EFCAB10: variants seen among roughly 807,000 people sequenced by gnomAD.
EFCAB10 encodes the protein EF-hand calcium-binding domain-containing protein 10.
In EFCAB10, 7 loss-of-function variants were observed where a neutral mutation model predicts 7.7. That is an observed-to-expected ratio of 0.91 (90% CI 0.52 to 1.72). The LOEUF (loss-of-function observed/expected upper bound fraction) is 1.72, where lower values mean the gene tolerates loss of function less well. Among genes scored for constraint, EFCAB10 ranks in the 40% most tolerant of loss-of-function variants. EFCAB10 has a pLI of 0.00. For missense variants in EFCAB10, 112 were observed against 61.5 expected, an observed-to-expected ratio of 1.82 and a Z score of -2.74; for synonymous variants, 52 against 21.0, an observed-to-expected ratio of 2.47 and a Z score of -4.03.
intron 1 of EFCAB10, among the ~76,000 whole-genome samples, chr7:105,570,237 A>AAAAAAAAAAT (rs1791905624): frequency 1.8e-5 from 1 of 56,988 alleles, no homozygotes; most frequent in Non-Finnish European, 3.4e-5. Context: ...AAAAAAAAAA[A>AAAAAAAAAAT]AAAATATATA....
At position 105,569,397 on chromosome 7, in the gene EFCAB10, A is replaced by C; in HGVS notation, c.271+10T>G. 1 of 697,732 alleles carries C rather than the reference A, an allele frequency of 1.4e-6. No homozygotes were observed. The highest frequency in any genetic ancestry group is 2.7e-5 in the East Asian group (1 of 37,230). The allele number at this position is 697,732 out of a possible 1,614,324, so 43.2% of individuals were successfully genotyped here. ...ACAAACTATTACCTCAATTTGTAGA[A>C]TGTACTGACCTTCTTTATACTGCAC... On this transcript the variant is annotated intron_variant, in intron 2 of 4. Transcript: ENST00000480514.
In EFCAB10 at chr7:105,581,354, T is replaced by C; in HGVS notation, c.106+4A>G. ...TGGCTGTACCGGGGCATGGGGGCCC[T>C]TACCCGGCCGAAAGAAAAGGAGGGC... On this transcript the variant is annotated splice_donor_region_variant and intron_variant, in intron 1 of 4. Coordinates refer to ENST00000480514, the MANE Select transcript of EFCAB10 (RefSeq NM_001355526.2). 1 of 702,858 alleles carries C rather than the reference T, an allele frequency of 1.4e-6. No individual in the cohort carries two copies. The highest frequency in any genetic ancestry group is 2.6e-6 in the Non-Finnish European group (1 of 384,928). The allele number at this position is 702,858 out of a possible 1,614,324, so 43.5% of individuals were successfully genotyped here.
At chr7:105,567,059 GTAATA>G (rs1307774300) in intron 4 of EFCAB10, 3 of 1,079,452 alleles carry the variant, frequency 2.8e-6, no homozygotes, top group Non-Finnish European at 3.9e-6. Flanking sequence ...TCTCAAAATT[GTAATA>G]TAATTGATGC....
intron 1 of EFCAB10, chr7:105,571,140 A>G (rs913144670): frequency 6.6e-6 from 1 of 152,232 alleles, no homozygotes; most frequent in African/African-American, 2.4e-5. Flanking sequence ...ATTTGTGGCC[A>G]ATTTCACTAC....
intron 1 of EFCAB10, among the ~76,000 whole-genome samples, chr7:105,570,058 A>ACT (rs1791896234): frequency 3.3e-5 from 5 of 150,638 alleles, no homozygotes; most frequent in African/African-American, 7.3e-5. Context: ...TCCCATCTCT[A>ACT]GTAAAGTTAG....
chr7:105,569,346 C>A (rs1222263175), intron 2 of EFCAB10, 56 bp from the exon 3 acceptor site: 1 of 694,086 alleles, frequency 1.4e-6, no homozygotes, highest in Non-Finnish European at 2.6e-6. Flanking sequence ...GAAGTATTTT[C>A]TGCTAGAAAA....
chr7:105,569,337 A>T, intron 2 of EFCAB10, 47 bp from the exon 3 acceptor site: 1 of 694,920 alleles, frequency 1.4e-6, no homozygotes, highest in Non-Finnish European at 2.6e-6. Context: ...ACAAAGTGAG[A>T]AGTATTTTCT....
chr7:105,567,354 A>G, intron 4 of EFCAB10, 113 bp downstream of exon 4: 1 of 1,359,092 alleles, frequency 7.4e-7, no homozygotes, highest in Non-Finnish European at 1.0e-6. Flanking sequence ...TTTCTAAGAA[A>G]GAGGAAGCCA....
In EFCAB10 at chr7:105,577,867, C is replaced by T. The variant is rs111654624; in HGVS notation, c.106+3491G>A. Among the ~76,000 whole-genome samples the T allele has an allele frequency of 5.3e-3, 805 of 152,228 alleles. 8 individuals are homozygous for T. The highest frequency in any genetic ancestry group is 0.019 in the African/African-American group (772 of 41,524). Reference sequence around the variant, plus strand: ...CCGAATAACTGATTACAAGCATGTGCCACTACACCTGATTTTGTATTTTTA... The same window carrying T: ...CCGAATAACTGATTACAAGCATGTGTCACTACACCTGATTTTGTATTTTTA... On this transcript the variant is annotated intron_variant, in intron 1 of 4. Coordinates refer to ENST00000480514, the MANE Select transcript of EFCAB10 (RefSeq NM_001355526.2).
chr7:105,569,536 G>T lies in EFCAB10; in HGVS notation c.142C>A (p.Arg48=). 1.4e-6 allele frequency: 1 copy of T among 701,502 alleles called. No homozygotes were observed. Among genetic ancestry groups the T allele is most frequent in the South Asian group, 1.5e-5 (1 of 67,092 alleles). The allele number at this position is 701,502 out of a possible 1,614,324, so 43.5% of individuals were successfully genotyped here. A position where few individuals can be genotyped will look rare whatever the true frequency, so the allele number is the denominator to read the frequency against. The change falls in exon 2 of 5, where the codon CGA becomes AGA. Residue 48 remains arginine, a synonymous_variant. Transcript: ENST00000480514. The stretch of plus-strand genomic sequence containing the variant: ...CCTGTTACTTTTGCAATTCTCAGTC[G>T]TTCCAATAGAGATATTAAATATTCT... ...PKEYLISLLE[R]LRIAKVTGVA...
At chr7:105,568,864 C>T (rs368960094) in intron 3 of EFCAB10, among the ~76,000 whole-genome samples, 2 of 151,306 alleles carry the variant, frequency 1.3e-5, no homozygotes, top group East Asian at 3.9e-4. Flanking sequence ...GCAGGAGAAT[C>T]GCTTGAACCC....
chr7:105,578,258 T>A (rs534999176), intron 1 of EFCAB10, among the ~76,000 whole-genome samples: 2 of 152,306 alleles, frequency 1.3e-5, no homozygotes, highest in East Asian at 3.9e-4. Flanking sequence ...AAAGAACGAC[T>A]AATGAAGACA....
At chr7:105,579,431 A>C (rs1353142044) in intron 1 of EFCAB10, among the ~76,000 whole-genome samples, 1 of 152,196 alleles carries the variant, frequency 6.6e-6, no homozygotes. Context: ...GTACTGTGGC[A>C]AAAGAGGGTA....
At chr7:105,567,201 C>T in intron 4 of EFCAB10, 2 of 1,612,878 alleles carry the variant, frequency 1.2e-6, no homozygotes, top group South Asian at 2.2e-5. Flanking sequence ...AGCTTCAGGG[C>T]AGCTTCCTGC....
intron 1 of EFCAB10, 68 bp downstream of exon 1, chr7:105,581,289 AG>A (rs994552821): frequency 2.3e-5 from 16 of 687,446 alleles, no homozygotes; most frequent in Non-Finnish European, 4.0e-5. Context: ...AATGTGTAAG[AG>A]GGGGGTTTCG....
intron 1 of EFCAB10, 62 bp downstream of exon 1, chr7:105,581,296 T>G (rs1586296831): frequency 7.4e-6 from 5 of 677,110 alleles, no homozygotes; most frequent in East Asian, 2.7e-5. Context: ...AAGAGGGGGG[T>G]TTCGTGTGGG....
At chr7:105,565,687 A>G (rs771714444) in intron 4 of EFCAB10, 2 of 1,344,946 alleles carry the variant, frequency 1.5e-6, no homozygotes, top group Admixed American at 1.8e-5. Flanking sequence ...AATGTATCAA[A>G]TTGTTACAGG....
chr7:105,579,448 A>C (rs894766574), intron 1 of EFCAB10, among the ~76,000 whole-genome samples: 1 of 152,194 alleles, frequency 6.6e-6, no homozygotes, highest in African/African-American at 2.4e-5. Context: ...GGTATGGATG[A>C]ATTAGTGATG....
chr7:105,569,225 A>G lies in EFCAB10; in HGVS notation c.337T>C (p.Leu113=), dbSNP rs1368512028. The part of the protein sequence containing the change: ...DLQDDGHKIT[L]DKFKEEVNKR... ...TACACTTCCTCCTTGAATTTATCCA[A>G]AGTTATTTTATGTCCATCATCTTGT... Residue 113 remains leucine (L), a synonymous_variant, in exon 3 of 5, where the codon TTG becomes CTG. Transcript: ENST00000480514. The G allele has an allele frequency of 5.7e-6, 4 of 701,376 alleles. No homozygotes were observed. In the East Asian group the frequency reaches 8.0e-5, roughly 14 times the overall value. 43.4% of individuals were successfully genotyped at this position (701,376 alleles called of 1,614,324 possible). A position where few individuals can be genotyped will look rare whatever the true frequency, so the allele number is the denominator to read the frequency against.
Sources: allele counts gnomAD v4.1 joint callset (sites outside exome capture counted in the v4.1 genomes callset), GRCh38; gene constraint gnomAD v4.1.1; transcripts MANE v1.5; gene names NCBI Gene and HGNC (gene_info 2026-07-23, HGNC 2026-07-21).